NPIPA7: variants seen among roughly 807,000 people sequenced by gnomAD.
The protein encoded by NPIPA7 is nuclear pore complex interacting protein family member A7, also known as nuclear pore complex-interacting protein family member A7.
At chr16:16,386,257 T>C (rs964745433) in intron 2 of NPIPA7, among the ~76,000 whole-genome samples, 1 of 129,798 alleles carries the variant, frequency 7.7e-6, no homozygotes, top group African/African-American at 3.0e-5. Context: ...AGAAGAAAGA[T>C]GCTCCAGTGC....
chr16:16,386,431 G>A (rs1418275617), intron 2 of NPIPA7, among the ~76,000 whole-genome samples: 1 of 122,176 alleles, frequency 8.2e-6, no homozygotes, highest in Non-Finnish European at 1.7e-5. Flanking sequence ...TCAGTTGTGT[G>A]AAGTATATTC....
chr16:16,386,411 A>AGTGTAC (rs1028034582), intron 2 of NPIPA7, among the ~76,000 whole-genome samples: 1 of 133,162 alleles, frequency 7.5e-6, no homozygotes, highest in African/African-American at 2.8e-5. Flanking sequence ...ACCGTGTTGA[A>AGTGTAC]GTGTACAGTT....
rs1267518523 is a variant in NPIPA7 at position 16,387,001 on chromosome 16, G to A, written c.193-398G>A. Among the ~76,000 whole-genome samples, 14 of 145,228 alleles carry A rather than the reference G, an allele frequency of 9.6e-5. 3 individuals are homozygous for A. Among genetic ancestry groups the A allele is most frequent in the South Asian group, 4.5e-4 (2 of 4,492 alleles). ...CGACCTCAGGTGATCCGCCTGCCTC[G>A]GCCTCCCAAAGTACTGGGATTACAG... On this transcript the variant is annotated intron_variant, in intron 2 of 7. Coordinates refer to ENST00000530217, the Ensembl canonical transcript of NPIPA7.
chr16:16,388,517 G>A (rs977759248), intron 4 of NPIPA7, among the ~76,000 whole-genome samples: 1 of 53,252 alleles, frequency 1.9e-5, no homozygotes, highest in Admixed American at 2.1e-4. Flanking sequence ...CGCCACATTC[G>A]GCCAATTTTT....
intron 2 of NPIPA7, among the ~76,000 whole-genome samples, chr16:16,386,702 C>A (rs1436101267): frequency 2.0e-4 from 26 of 131,384 alleles, no homozygotes; most frequent in African/African-American, 6.9e-4. Flanking sequence ...CCCGCCTCGG[C>A]CTCCCAAAGT....
chr16:16,382,081 T>C (rs533793749), intron 1 of NPIPA7, among the ~76,000 whole-genome samples: 2 of 104,774 alleles, frequency 1.9e-5, no homozygotes, highest in African/African-American at 4.5e-5. Flanking sequence ...TCGATACTTA[T>C]TTGTGAATGA....
Position 16,388,069 on chromosome 16 carries a change from T to TC in NPIPA7, c.437+265dup, listed in dbSNP as rs1178607301. On this transcript the variant is annotated intron_variant, in intron 4 of 7. Coordinates refer to ENST00000530217, the Ensembl canonical transcript of NPIPA7. ...TCTCTCTCTTTTTTTTTTTTTTTTTTCCTGAGATGGGGCTTTGCTCTTGTT... is the reference window on the plus strand; with the variant it reads ...TCTCTCTCTTTTTTTTTTTTTTTTTTCCCTGAGATGGGGCTTTGCTCTTGTT... Among the ~76,000 whole-genome samples, 4 of 73,042 alleles carry TC rather than the reference T, an allele frequency of 5.5e-5. 1 individual carries two copies. Among genetic ancestry groups the TC allele is most frequent in the Non-Finnish European group, 9.9e-5 (4 of 40,342 alleles). The allele number at this position is 73,042 out of a possible 152,430, so 47.9% of individuals were successfully genotyped here.
In NPIPA7 at chr16:16,387,060, TTGTGTGTG is replaced by T. The variant is rs374685325; in HGVS notation, c.193-310_193-303del. ...CACCCTGCCAGCCTCATGTCATTCT[TTGTGTGTG>T]TGTGTGTGTGTGTGTGTGTGTGTGT... On this transcript the variant is annotated intron_variant, in intron 2 of 7. Coordinates refer to ENST00000530217, the Ensembl canonical transcript of NPIPA7. Among the ~76,000 whole-genome samples, 145 of 101,446 alleles carry T rather than the reference TTGTGTGTG, an allele frequency of 1.4e-3. 6 individuals are homozygous for T. The highest frequency in any genetic ancestry group is 1.8e-3 in the Non-Finnish European group (87 of 47,238). 66.6% of individuals were successfully genotyped at this position (101,446 alleles called of 152,430 possible).
rs1183546862 is a variant in NPIPA7 at position 16,386,262 on chromosome 16, C to T, written c.193-1137C>T. 3.0e-4 allele frequency among the ~76,000 whole-genome samples: 39 copies of T among 131,010 alleles called. 1 individual carries two copies. The highest frequency in any genetic ancestry group is 4.0e-3 in the Middle Eastern group (1 of 252). The allele number at this position is 131,010 out of a possible 152,430, so 85.9% of individuals were successfully genotyped here. On this transcript the variant is annotated intron_variant, in intron 2 of 7. Coordinates refer to ENST00000530217, the Ensembl canonical transcript of NPIPA7. ...GAGCAGGGACAGAAGAAAGATGCTC[C>T]AGTGCAGATCAGGAAGGAGCAGGGG...
intron 2 of NPIPA7, among the ~76,000 whole-genome samples, chr16:16,387,158 C>G (rs1168401068): frequency 7.7e-5 from 10 of 130,154 alleles, no homozygotes; most frequent in African/African-American, 2.1e-4. Flanking sequence ...TCACTGCAAA[C>G]TCCGCCTCCC....
intron 4 of NPIPA7, among the ~76,000 whole-genome samples, chr16:16,388,046 T>C (rs1189477719): frequency 6.6e-5 from 1 of 15,066 alleles, no homozygotes. Flanking sequence ...TTTTCCTTTC[T>C]CTCTCTTTTT....
chr16:16,388,510 C>A (rs1313878628), intron 4 of NPIPA7, among the ~76,000 whole-genome samples: 1 of 44,708 alleles, frequency 2.2e-5, no homozygotes, highest in Non-Finnish European at 4.5e-5. Context: ...TGTGTGCCGC[C>A]ACATTCGGCC....
chr16:16,386,970 A>G (rs2050158381), intron 2 of NPIPA7, among the ~76,000 whole-genome samples: 1 of 142,214 alleles, frequency 7.0e-6, no homozygotes, highest in African/African-American at 2.5e-5. Flanking sequence ...GCTGGTCTCA[A>G]ACTCCCGACC....
At chr16:16,382,408 T>C (rs200873389) in intron 1 of NPIPA7, among the ~76,000 whole-genome samples, 59 of 19,504 alleles carry the variant, frequency 3.0e-3, no homozygotes, top group East Asian at 0.018. Context: ...AAGACAAAAA[T>C]TAGCCGAGCG....
rs543290112 is a variant in NPIPA7, at chr16:16,386,991, C to T, written c.193-408C>T. On this transcript the variant is annotated intron_variant, in intron 2 of 7. Transcript: ENST00000530217. ...CTCAAACTCCCGACCTCAGGTGATC[C>T]GCCTGCCTCGGCCTCCCAAAGTACT... 7.1e-4 allele frequency among the ~76,000 whole-genome samples: 104 copies of T among 145,718 alleles called. 9 individuals are homozygous for T. Among genetic ancestry groups the T allele is most frequent in the South Asian group, 2.2e-4 (1 of 4,504 alleles).
chr16:16,386,354 C>T (rs1208714639), intron 2 of NPIPA7, among the ~76,000 whole-genome samples: 2 of 141,560 alleles, frequency 1.4e-5, no homozygotes, highest in African/African-American at 5.4e-5. Context: ...AGTTGTGAAA[C>T]ATGTTAACCT....
At chr16:16,387,095 T>TGA (rs1426752012) in intron 2 of NPIPA7, among the ~76,000 whole-genome samples, 13 of 117,356 alleles carry the variant, frequency 1.1e-4, no homozygotes, top group African/African-American at 3.3e-4. Flanking sequence ...TGTGTGTGTG[T>TGA]GACAGAGTCT....
At position 16,386,686 on chromosome 16, in the gene NPIPA7, G is replaced by A. The variant is rs2050143671; in HGVS notation, c.193-713G>A. ...GATGATCTCCATCTCTTGACCTTGT[G>A]ATTCACCCGCCTCGGCCTCCCAAAG... On this transcript the variant is annotated intron_variant, in intron 2 of 7. Transcript: ENST00000530217. Among the ~76,000 whole-genome samples, 3 of 126,432 alleles carry A rather than the reference G, an allele frequency of 2.4e-5. No homozygotes were observed. In the South Asian group the frequency reaches 8.1e-4, roughly 34 times the overall value. 82.9% of individuals were successfully genotyped at this position (126,432 alleles called of 152,430 possible).
intron 2 of NPIPA7, among the ~76,000 whole-genome samples, chr16:16,386,974 C>T (rs1351704423): frequency 6.9e-6 from 1 of 145,444 alleles, no homozygotes; most frequent in Non-Finnish European, 1.5e-5. Flanking sequence ...GTCTCAAACT[C>T]CCGACCTCAG....
Sources: gnomAD v4.1 joint callset for allele counts (sites outside exome capture counted in the v4.1 genomes callset) on GRCh38, gnomAD v4.1.1 for gene constraint, MANE v1.5 for transcripts, NCBI Gene and HGNC (gene_info 2026-07-23, HGNC 2026-07-21) for gene names.